Variants in CD2 observed in about 807,000 individuals in gnomAD.
The protein encoded by CD2 is T-cell surface antigen CD2.
CD2 carries 18 observed loss-of-function variants against 23.2 expected under a neutral mutation model. The observed-to-expected ratio is 0.77, with a 90% CI of 0.54 to 1.15. CD2 has a LOEUF of 1.15. Ranked by LOEUF, CD2 falls within the 50% of genes most tolerant of loss-of-function variation. The pLI is 0.00. For missense variants in CD2, 424 were observed against 423.1 expected (o/e 1.00, Z -0.02); for synonymous variants, 162 against 151.9 (o/e 1.07, Z -0.49).
At chr1:116,763,871 C>T (rs1466963263) in intron 3 of CD2, among the ~76,000 whole-genome samples, 1 of 152,132 alleles carries the variant, frequency 6.6e-6, no homozygotes, top group Non-Finnish European at 1.5e-5. Context: ...GGGTTTCTCT[C>T]GTGGCTCCAG....
intron 3 of CD2, among the ~76,000 whole-genome samples, chr1:116,762,677 T>G (rs1652093726): frequency 1.3e-5 from 2 of 152,204 alleles, no homozygotes; most frequent in Non-Finnish European, 2.9e-5. Context: ...ATTTGTCACA[T>G]AAACTCATGG....
chr1:116,767,553 T>C (rs1652252107), intron 4 of CD2, among the ~76,000 whole-genome samples: 1 of 149,034 alleles, frequency 6.7e-6, no homozygotes, highest in East Asian at 2.0e-4. Context: ...ATCGCACCAT[T>C]GCACTCTAGC....
intron 4 of CD2, among the ~76,000 whole-genome samples, chr1:116,767,185 C>T (rs973403112): frequency 6.6e-6 from 1 of 152,220 alleles, no homozygotes; most frequent in African/African-American, 2.4e-5. Flanking sequence ...CTGATGCTCA[C>T]ATTTCATGTA....
chr1:116,764,055 G>A (rs1442783073), intron 3 of CD2, among the ~76,000 whole-genome samples: 1 of 152,086 alleles, frequency 6.6e-6, no homozygotes. Context: ...ACCGAGACAA[G>A]GGGCTGCTTA....
chr1:116,764,701 T>C (rs942580926), intron 4 of CD2, 95 bp downstream of exon 4: 2 of 907,216 alleles, frequency 2.2e-6, no homozygotes, highest in Non-Finnish European at 3.6e-6. Context: ...GAGAAAATGA[T>C]GGAAATAGGT....
chr1:116,768,201 G>T (rs1652274179), intron 4 of CD2, among the ~76,000 whole-genome samples: 1 of 152,132 alleles, frequency 6.6e-6, no homozygotes, highest in South Asian at 2.1e-4. Flanking sequence ...GATCATGGGA[G>T]CCCCAGGCAC....
chr1:116,758,926 CTT>C (rs1651946506), intron 2 of CD2, among the ~76,000 whole-genome samples: 1 of 152,138 alleles, frequency 6.6e-6, no homozygotes, highest in African/African-American at 2.4e-5. Flanking sequence ...ACTCAGAGGT[CTT>C]TTTGGCAAGG....
At chr1:116,763,733 T>C (rs1403784216) in intron 3 of CD2, among the ~76,000 whole-genome samples, 1 of 152,088 alleles carries the variant, frequency 6.6e-6, no homozygotes, top group African/African-American at 2.4e-5. Context: ...AGCTCCTGCC[T>C]AAAAAAGCCT....
In CD2 at chr1:116,768,739, C is replaced by A. The variant is rs1296254704; in HGVS notation, c.1012C>A (p.Pro338Thr). The A allele has an allele frequency of 6.2e-6, 10 of 1,613,958 alleles. No homozygotes were observed. The highest frequency in any genetic ancestry group is 8.5e-6 in the Non-Finnish European group (10 of 1,180,020). Residue 338 changes from proline (P) to threonine (T), a missense_variant, in exon 5 of 5, where the codon CCC becomes ACC. Physicochemically the swap from Pro to Thr is conservative, Grantham distance 38 (BLOSUM62 -1). Coordinates refer to ENST00000369478, the MANE Select transcript of CD2 (RefSeq NM_001767.5). The stretch of plus-strand genomic sequence containing the variant: ...CAGACCTCGAGTTCAGCCAAAACCT[C>A]CCCATGGGGCAGCAGAAAACTCATT... ...LPRPRVQPKP[P>T]HGAAENSLSP...
chr1:116,754,459 A>T lies in CD2; in HGVS notation c.-34A>T. ...TCACTTCAGTTCCTTTTGCATGAAG[A>T]GCTCAGAATCAAAAGAGGAAACCAA... On this transcript the variant is annotated 5_prime_UTR_variant, in exon 1 of 5. Coordinates refer to ENST00000369478, the MANE Select transcript of CD2 (RefSeq NM_001767.5). 1 of 1,592,558 alleles carries T rather than the reference A, an allele frequency of 6.3e-7. No individual in the cohort carries two copies. Among genetic ancestry groups the T allele is most frequent in the Non-Finnish European group, 8.6e-7 (1 of 1,163,624 alleles).
At chr1:116,766,035 C>T (rs951423338) in intron 4 of CD2, among the ~76,000 whole-genome samples, 6 of 152,306 alleles carry the variant, frequency 3.9e-5, no homozygotes, top group African/African-American at 1.4e-4. Context: ...AGGCAAGGAG[C>T]CCAGAATTTA....
Position 116,768,942 on chromosome 1 carries a change from G to A in CD2, c.*159G>A. The A allele has an allele frequency of 1.4e-6, 1 of 695,656 alleles. No homozygotes were observed. Among genetic ancestry groups the A allele is most frequent in the Non-Finnish European group, 2.4e-6 (1 of 419,062 alleles). The allele number at this position is 695,656 out of a possible 1,614,324, so 43.1% of individuals were successfully genotyped here. ...CCTCTGCATCTTCGAACTCAGCCAT[G>A]TGGTCAACATCTGGAGTTTTTGGTC... On this transcript the variant is annotated 3_prime_UTR_variant, in exon 5 of 5. Coordinates refer to ENST00000369478, the MANE Select transcript of CD2 (RefSeq NM_001767.5).
chr1:116,763,494 C>T (rs1571242423), intron 3 of CD2, among the ~76,000 whole-genome samples: 1 of 152,214 alleles, frequency 6.6e-6, no homozygotes. Context: ...AGCCCTAGAA[C>T]CCCTCCTGTT....
rs982430330 is a variant in CD2, at chr1:116,757,760, G to T, written c.383-2642G>T. Among the ~76,000 whole-genome samples, 298 of 150,814 alleles carry T rather than the reference G, an allele frequency of 2.0e-3. 2 individuals are homozygous for T. Among genetic ancestry groups the T allele is most frequent in the African/African-American group, 6.7e-3 (271 of 40,750 alleles). ...TATTACATATATATATATAGAGAGA[G>T]AGAGAGAGAGAGAGAGGCAGACAGA... On this transcript the variant is annotated intron_variant, in intron 2 of 4. Coordinates refer to ENST00000369478, the MANE Select transcript of CD2 (RefSeq NM_001767.5).
rs766698238 is a variant in CD2 at position 116,768,512 on chromosome 1, G to T, written c.785G>T (p.Gly262Val). 6.2e-7 allele frequency: 1 copy of T among 1,614,110 alleles called. No homozygotes were observed. The highest frequency in any genetic ancestry group is 1.1e-5 in the South Asian group (1 of 91,066). Residue 262 changes from glycine to valine, a missense_variant, in exon 5 of 5, where the codon GGC (glycine) becomes GTC (valine). Physicochemically the swap from Gly to Val is moderately radical, Grantham distance 109. Coordinates refer to ENST00000369478, the MANE Select transcript of CD2 (RefSeq NM_001767.5). ...CACAGAGTAGCTACTGAAGAAAGGGGCCGGAAGCCCCACCAAATTCCAGCT... is the reference window on the plus strand; with the variant it reads ...CACAGAGTAGCTACTGAAGAAAGGGTCCGGAAGCCCCACCAAATTCCAGCT... ...RAHRVATEERGRKPHQIPAST... is the reference protein window; with the variant it reads ...RAHRVATEERVRKPHQIPAST...
At chr1:116,757,571 C>T (rs975624179) in intron 2 of CD2, among the ~76,000 whole-genome samples, 3 of 152,054 alleles carry the variant, frequency 2.0e-5, no homozygotes, top group African/African-American at 4.8e-5. Flanking sequence ...GAACAGTCAG[C>T]AGTTAGAAAC....
chr1:116,758,707 T>G (rs572833463), intron 2 of CD2, among the ~76,000 whole-genome samples: 94 of 152,174 alleles, frequency 6.2e-4, no homozygotes, highest in Non-Finnish European at 1.2e-3. Flanking sequence ...GTTGGTGTTT[T>G]CACATTTGGG....
At position 116,768,926 on chromosome 1, in the gene CD2, C is replaced by A; in HGVS notation, c.*143C>A. Reference sequence around the variant, plus strand: ...CTGTGGGCCACAGCCACCTCTGCATCTTCGAACTCAGCCATGTGGTCAACA... The same window carrying A: ...CTGTGGGCCACAGCCACCTCTGCATATTCGAACTCAGCCATGTGGTCAACA... On this transcript the variant is annotated 3_prime_UTR_variant, in exon 5 of 5. Transcript: ENST00000369478. The A allele has an allele frequency of 1.3e-6, 1 of 782,724 alleles. No individual in the cohort carries two copies. The highest frequency in any genetic ancestry group is 2.0e-6 in the Non-Finnish European group (1 of 494,254). 48.5% of individuals were successfully genotyped at this position (782,724 alleles called of 1,614,324 possible).
Position 116,754,478 on chromosome 1 carries a change from A to G in CD2, c.-15A>G. On this transcript the variant is annotated 5_prime_UTR_variant, in exon 1 of 5. Transcript: ENST00000369478. ...ATGAAGAGCTCAGAATCAAAAGAGG[A>G]AACCAACCCCTAAGATGAGCTTTCC... is the stretch of plus-strand genomic sequence containing the variant. 1 of 1,612,186 alleles carries G rather than the reference A, an allele frequency of 6.2e-7. No homozygotes were observed. Among genetic ancestry groups the G allele is most frequent in the Non-Finnish European group, 8.5e-7 (1 of 1,179,274 alleles).
Sources: allele counts gnomAD v4.1 joint callset (sites outside exome capture counted in the v4.1 genomes callset), GRCh38; gene constraint gnomAD v4.1.1; transcripts MANE v1.5; gene names NCBI Gene and HGNC (gene_info 2026-07-23, HGNC 2026-07-21).